SLC4A4: variants seen among roughly 807,000 people sequenced by gnomAD.
SLC4A4 encodes the protein electrogenic sodium bicarbonate cotransporter 1.
Under a neutral mutation model 111.5 loss-of-function variants are expected in SLC4A4, and 27 were observed. The ratio of observed to expected loss-of-function variants is 0.24; its 90% confidence interval spans 0.18 to 0.33. The LOEUF (loss-of-function observed/expected upper bound fraction) is 0.33. SLC4A4 is among the 10% of genes least tolerant of loss of function. The pLI, the probability that SLC4A4 is intolerant of heterozygous loss-of-function variation, is 1.00. For missense variants in SLC4A4, 909 were observed against 1,315.5 expected (o/e 0.69, Z 4.78); for synonymous variants, 443 against 463.4 (o/e 0.96, Z 0.57).
chr4:71,191,753 T>C, intron 1 of SLC4A4, among the ~76,000 whole-genome samples: 1 of 152,194 alleles, frequency 6.6e-6, no homozygotes, highest in East Asian at 1.9e-4. Flanking sequence ...CTTTTGTTTT[T>C]CATGTAGAAT....
chr4:71,174,689 A>G (rs1745037639), intron 2 of SLC4A4, among the ~76,000 whole-genome samples: 1 of 152,224 alleles, frequency 6.6e-6, no homozygotes, highest in Non-Finnish European at 1.5e-5. Flanking sequence ...TCTCTATTTT[A>G]TGATGATTTA....
At chr4:71,409,916 G>A (rs1047458395) in intron 7 of SLC4A4, among the ~76,000 whole-genome samples, 2 of 152,230 alleles carry the variant, frequency 1.3e-5, no homozygotes, top group African/African-American at 4.8e-5. Flanking sequence ...GCTGAAAGGG[G>A]CCAATGTAGA....
intron 3 of SLC4A4, among the ~76,000 whole-genome samples, chr4:71,287,657 G>A (rs949148533): frequency 1.3e-5 from 2 of 152,032 alleles, no homozygotes; most frequent in African/African-American, 4.8e-5. Flanking sequence ...TTCCCTCATT[G>A]ACAGTAAAGT....
At chr4:71,146,437 G>T (rs977128318) in intron 2 of SLC4A4, among the ~76,000 whole-genome samples, 75 of 152,296 alleles carry the variant, frequency 4.9e-4, no homozygotes, top group African/African-American at 1.7e-3. Flanking sequence ...GATTTGGGGT[G>T]GAGAGATCTG....
intron 1 of SLC4A4, among the ~76,000 whole-genome samples, chr4:71,091,908 A>G (rs538877053): frequency 1.3e-5 from 2 of 152,294 alleles, no homozygotes; most frequent in Non-Finnish European, 1.5e-5. Context: ...TTTTTCCTGC[A>G]TATTAAATCT....
chr4:71,179,093 A>G (rs1304236806), intron 2 of SLC4A4, among the ~76,000 whole-genome samples: 1 of 152,246 alleles, frequency 6.6e-6, no homozygotes, highest in Non-Finnish European at 1.5e-5. Context: ...AACAGAACCA[A>G]TGACAAAAAC....
chr4:71,324,701 A>G (rs1727375109), intron 3 of SLC4A4, among the ~76,000 whole-genome samples: 2 of 152,102 alleles, frequency 1.3e-5, no homozygotes, highest in Admixed American at 6.6e-5. Flanking sequence ...AATTCTAAGT[A>G]TCTTATAGAT....
intron 7 of SLC4A4, among the ~76,000 whole-genome samples, chr4:71,432,680 A>G (rs1162669788): frequency 6.6e-6 from 1 of 151,788 alleles, no homozygotes; most frequent in Non-Finnish European, 1.5e-5. Flanking sequence ...CTTAGCCCTA[A>G]GTTCCTTGCT....
intron 6 of SLC4A4, among the ~76,000 whole-genome samples, chr4:71,390,367 T>C (rs1719146647): frequency 6.6e-6 from 1 of 152,218 alleles, no homozygotes; most frequent in African/African-American, 2.4e-5. Flanking sequence ...GAATAGGCTG[T>C]ATGTATATTG....
chr4:71,397,511 A>G (rs1719931754), intron 6 of SLC4A4, 66 bp from the exon 7 acceptor site: 4 of 1,320,988 alleles, frequency 3.0e-6, no homozygotes, highest in Admixed American at 1.7e-5. Context: ...TTTATTAAGT[A>G]TACCACCAAA....
intron 1 of SLC4A4, among the ~76,000 whole-genome samples, chr4:71,234,686 A>G (rs533837667): frequency 6.6e-6 from 1 of 152,276 alleles, no homozygotes; most frequent in Admixed American, 6.5e-5. Flanking sequence ...TGGCCTGCCG[A>G]GGGATTACAG....
At chr4:71,124,925 T>C (rs1002120030) in intron 2 of SLC4A4, among the ~76,000 whole-genome samples, 56 of 152,234 alleles carry the variant, frequency 3.7e-4, no homozygotes, top group African/African-American at 1.3e-3. Context: ...TAAATTTTGC[T>C]AATGTTTCCT....
chr4:71,547,620 G>A, intron 19 of SLC4A4, 28 bp from the exon 20 acceptor site: 1 of 1,577,830 alleles, frequency 6.3e-7, no homozygotes, highest in Non-Finnish European at 8.7e-7. Flanking sequence ...ACAAGAGGTA[G>A]ATTGGTAATC....
chr4:71,453,769 G>A lies in SLC4A4; in HGVS notation c.1497+100G>A, dbSNP rs376596389. 35 of 1,107,382 alleles carry A rather than the reference G, an allele frequency of 3.2e-5. No homozygotes were observed. In the African/African-American group the frequency reaches 3.4e-4, roughly 11 times the overall value. 68.6% of individuals were successfully genotyped at this position (1,107,382 alleles called of 1,614,324 possible). A position where few individuals can be genotyped will look rare whatever the true frequency, so the allele number is the denominator to read the frequency against. ...GCAGATGGCCTTTCAGTTACTCAGC[G>A]TGATTTTCTTTCTTTTGCTGGATGC... On this transcript the variant is annotated intron_variant, in intron 12 of 25. Coordinates refer to ENST00000264485, the MANE Select transcript of SLC4A4 (RefSeq NM_001098484.3).
intron 1 of SLC4A4, among the ~76,000 whole-genome samples, chr4:71,216,495 T>C (rs1718438015): frequency 6.6e-6 from 1 of 152,190 alleles, no homozygotes; most frequent in Non-Finnish European, 1.5e-5. Flanking sequence ...CCTCTGACTA[T>C]TATCAACAAG....
intron 2 of SLC4A4, among the ~76,000 whole-genome samples, chr4:71,118,057 G>A (rs1462322832): frequency 6.6e-6 from 1 of 151,918 alleles, no homozygotes; most frequent in Non-Finnish European, 1.5e-5. Flanking sequence ...TGTATTTTTA[G>A]CAGAGATGGG....
intron 1 of SLC4A4, among the ~76,000 whole-genome samples, chr4:71,216,539 A>G (rs930682044): frequency 6.6e-6 from 1 of 152,204 alleles, no homozygotes; most frequent in African/African-American, 2.4e-5. Flanking sequence ...ATCAAGAGGC[A>G]CATGCTTGAT....
chr4:71,487,711 T>C (rs1037933898), intron 15 of SLC4A4, among the ~76,000 whole-genome samples: 2 of 151,630 alleles, frequency 1.3e-5, no homozygotes, highest in Non-Finnish European at 3.0e-5. Flanking sequence ...GAAGCCATAA[T>C]ACCTTGTGTT....
At chr4:71,242,790 T>TGG (rs1298125273) in intron 2 of SLC4A4, among the ~76,000 whole-genome samples, 2,903 of 152,200 alleles carry the variant, frequency 0.019, 92 homozygotes, top group African/African-American at 0.067. Context: ...TATTATAATC[T>TGG]TTTCTACAAA....
Sources: gnomAD v4.1 joint callset for allele counts (sites outside exome capture counted in the v4.1 genomes callset) on GRCh38, gnomAD v4.1.1 for gene constraint, MANE v1.5 for transcripts, NCBI Gene and HGNC (gene_info 2026-07-23, HGNC 2026-07-21) for gene names.